The following GNL3L variants were observed in gnomAD, a reference collection of about 807,000 sequenced individuals.
GNL3L encodes guanine nucleotide-binding protein-like 3-like protein.
In GNL3L, 4 loss-of-function variants were observed where a neutral mutation model predicts 42.9. The ratio of observed to expected loss-of-function variants is 0.09; its 90% confidence interval spans 0.05 to 0.21. The LOEUF (loss-of-function observed/expected upper bound fraction) is 0.21, where lower values mean the gene tolerates loss of function less well. Among genes scored for constraint, GNL3L ranks in the 10% least tolerant of loss-of-function variants. GNL3L has a pLI of 1.00. For missense variants in GNL3L, 412 were observed against 481.7 expected (o/e 0.86, Z 1.36); for synonymous variants, 159 against 176.3 (o/e 0.90, Z 0.78).
chrX:54,579,897 T>G, intron 16 of GNL3L, among the ~76,000 whole-genome samples: 1 of 109,947 alleles, frequency 9.1e-6, no homozygotes, highest in Non-Finnish European at 1.9e-5. Flanking sequence ...AGGCTCGTCT[T>G]GAACTCCTGA....
chrX:54,607,080 T>TTC (rs1926097533), intron 16 of GNL3L, among the ~76,000 whole-genome samples: 1 of 39,454 alleles, frequency 2.5e-5, no homozygotes, highest in African/African-American at 1.4e-4. Context: ...TTCTCTTTCT[T>TTC]TCTTCTTTCT....
intron 16 of GNL3L, among the ~76,000 whole-genome samples, chrX:54,579,283 T>C (rs1418971661): frequency 8.9e-6 from 1 of 112,200 alleles, no homozygotes; most frequent in East Asian, 2.8e-4. Context: ...AAATCTTCGC[T>C]TTACCTGAAG....
intron 16 of GNL3L, among the ~76,000 whole-genome samples, chrX:54,588,832 C>T (rs186404208): frequency 3.6e-5 from 4 of 111,806 alleles, no homozygotes; most frequent in Admixed American, 2.8e-4. Context: ...CCAGCCATAT[C>T]GGCAATGCTT....
chrX:54,541,251 C>T, intron 4 of GNL3L, 22 bp from the exon 5 acceptor site: 1 of 1,076,116 alleles, frequency 9.3e-7, no homozygotes, highest in Non-Finnish European at 1.3e-6. Flanking sequence ...AGCTCCAGTA[C>T]CAGTGTGTGT....
At chrX:54,626,091 C>A (rs766178787), downstream of GNL3L, among the ~76,000 whole-genome samples, 5 of 111,299 alleles carry the variant, frequency 4.5e-5, no homozygotes, top group Non-Finnish European at 9.4e-5. Flanking sequence ...TGTAGTTTAA[C>A]CATATTAATT....
chrX:54,545,875 G>A (rs902283596), intron 8 of GNL3L, among the ~76,000 whole-genome samples: 5 of 111,854 alleles, frequency 4.5e-5, no homozygotes, highest in Admixed American at 1.9e-4. Context: ...GATATTTAGG[G>A]TCTCAATTGG....
At position 54,558,639 on chromosome X, in the gene GNL3L, G is replaced by A. The variant is rs1371429160; in HGVS notation, c.1650G>A (p.Lys550=). The A allele has an allele frequency of 1.7e-6, 2 of 1,200,213 alleles. No individual in the cohort carries two copies. Among genetic ancestry groups the A allele is most frequent in the Non-Finnish European group, 2.3e-6 (2 of 887,225 alleles). Residue 550 remains lysine, a synonymous_variant, in exon 15 of 16, where the codon AAG becomes AAA. Transcript: ENST00000360845. ...ALASALKNKK[K]MQKRADKIAS... ...CATCTGCCCTGAAAAATAAGAAGAA[G>A]ATGCAGAAACGTGCAGGTGGGAGCC...
intron 16 of GNL3L, among the ~76,000 whole-genome samples, chrX:54,588,833 G>A (rs1035786991): frequency 4.5e-5 from 5 of 111,593 alleles, no homozygotes; most frequent in Admixed American, 1.9e-4. Flanking sequence ...CAGCCATATC[G>A]GCAATGCTTT....
chrX:54,589,962 C>T (rs1925844186), intron 16 of GNL3L, among the ~76,000 whole-genome samples: 1 of 108,677 alleles, frequency 9.2e-6, no homozygotes, highest in East Asian at 2.9e-4. Flanking sequence ...TTTTTTGAGA[C>T]AGAGTCTTGC....
downstream of GNL3L, among the ~76,000 whole-genome samples, chrX:54,567,464 T>C (rs1925465904): frequency 9.1e-6 from 1 of 109,719 alleles, no homozygotes; most frequent in Non-Finnish European, 1.9e-5. Flanking sequence ...CTGACCAACA[T>C]GGAGAAACCC....
In GNL3L at chrX:54,551,668, T is replaced by C. The variant is rs891503174; in HGVS notation, c.964T>C (p.Cys322Arg). 2 of 1,209,301 alleles carry C rather than the reference T, an allele frequency of 1.7e-6. No homozygotes were observed. The highest frequency in any genetic ancestry group is 3.5e-5 in the African/African-American group (2 of 57,273). Residue 322 changes from cysteine (C) to arginine (R), a missense_variant, in exon 11 of 16, where the codon TGC (cysteine) becomes CGC (arginine). Cys to Arg is a radical substitution (Grantham distance 180). Coordinates refer to ENST00000360845, the MANE Select transcript of GNL3L (RefSeq NM_001184819.2). ...NSEVGTILRN[C>R]VHVQKLADPV... Reference sequence around the variant, plus strand: ...AGAGGTGGGCACCATCCTGCGTAACTGCGTCCACGTGCAGAAGCTGGCAGA... The same window carrying C: ...AGAGGTGGGCACCATCCTGCGTAACCGCGTCCACGTGCAGAAGCTGGCAGA...
At chrX:54,533,786 A>G (rs1924339117) in intron 2 of GNL3L, among the ~76,000 whole-genome samples, 1 of 110,399 alleles carries the variant, frequency 9.1e-6, no homozygotes, top group African/African-American at 3.3e-5. Context: ...TATAAGTAAC[A>G]CAAGAAAGGT....
At chrX:54,625,193 TGA>T (rs769859950), downstream of GNL3L, among the ~76,000 whole-genome samples, 375 of 111,233 alleles carry the variant, frequency 3.4e-3, 2 homozygotes, top group African/African-American at 0.012. Context: ...ACAGCAGTGG[TGA>T]GAGAGGGCAT....
chrX:54,588,556 G>T (rs906166919), intron 16 of GNL3L, among the ~76,000 whole-genome samples: 1 of 111,878 alleles, frequency 8.9e-6, no homozygotes, highest in African/African-American at 3.2e-5. Flanking sequence ...CGGGTGTGGT[G>T]GCTCACGCCT....
intron 16 of GNL3L, among the ~76,000 whole-genome samples, chrX:54,616,324 C>G (rs1345971810): frequency 2.7e-5 from 3 of 112,463 alleles, no homozygotes; most frequent in Admixed American, 1.9e-4. Flanking sequence ...AATTGCATAC[C>G]TTTCTGGATG....
At chrX:54,607,195 G>A (rs1463024321) in intron 16 of GNL3L, among the ~76,000 whole-genome samples, 1 of 92,604 alleles carries the variant, frequency 1.1e-5, no homozygotes, top group Non-Finnish European at 2.1e-5. Flanking sequence ...TCATACAGCT[G>A]TTATTTGTGC....
At chrX:54,642,180 T>C in the GNL3L span, among the ~76,000 whole-genome samples, 1 of 111,638 alleles carries the variant, frequency 9.0e-6, no homozygotes, top group Non-Finnish European at 1.9e-5. Flanking sequence ...CTGAGGTGAG[T>C]GTACTTTTCC....
At chrX:54,542,043 C>G (rs1306262211) in intron 5 of GNL3L, among the ~76,000 whole-genome samples, 1 of 111,830 alleles carries the variant, frequency 8.9e-6, no homozygotes, top group African/African-American at 3.3e-5. Context: ...CAGTTCCCAG[C>G]TTTATTGGTT....
chrX:54,583,012 A>G (rs1481173198), intron 16 of GNL3L, among the ~76,000 whole-genome samples: 1 of 111,461 alleles, frequency 9.0e-6, no homozygotes, highest in East Asian at 2.8e-4. Context: ...GTTTATTATT[A>G]TTATTTACTC....
Sources: gnomAD v4.1 joint callset for allele counts (sites outside exome capture counted in the v4.1 genomes callset) on GRCh38, gnomAD v4.1.1 for gene constraint, MANE v1.5 for transcripts, NCBI Gene and HGNC (gene_info 2026-07-23, HGNC 2026-07-21) for gene names.